The following HSD17B6 variants were observed in gnomAD, a reference collection of about 807,000 sequenced individuals.
HSD17B6 encodes 17-beta-hydroxysteroid dehydrogenase type 6.
Under a neutral mutation model 26.4 loss-of-function variants are expected in HSD17B6, and 16 were observed. The ratio of observed to expected loss-of-function variants is 0.61; its 90% CI spans 0.41 to 0.92. The LOEUF (loss-of-function observed/expected upper bound fraction) is 0.92. Ranked by LOEUF, HSD17B6 falls within the 40% of genes least tolerant of loss-of-function variation. The probability of loss-of-function intolerance (pLI) is 0.00; values close to 1 mark genes in which losing one functional copy is unlikely to be tolerated. For missense variants in HSD17B6, 357 were observed against 386.1 expected, an observed-to-expected ratio of 0.92 and a Z score of 0.63; for synonymous variants, 139 against 153.0, an observed-to-expected ratio of 0.91 and a Z score of 0.68.
In HSD17B6 at chr12:56,774,102, G is replaced by A. The variant is rs1592363394; in HGVS notation, c.250G>A (p.Val84Ile). ...CAGGCTGGAGACGGTGACCCTGGAT[G>A]TTACCAAGATGGAGAGCATCGCTGC... ...SDRLETVTLDVTKMESIAAAT... is the reference protein window; with the variant it reads ...SDRLETVTLDITKMESIAAAT... The change falls in exon 2 of 5, where the codon GTT (valine) becomes ATT (isoleucine). Residue 84 changes from valine (V) to isoleucine (I), a missense_variant. By Grantham distance (29) the Val-to-Ile change is conservative. Coordinates refer to ENST00000322165, the MANE Select transcript of HSD17B6 (RefSeq NM_003725.4). 1.9e-6 allele frequency: 3 copies of A among 1,610,944 alleles called. No individual in the cohort carries two copies. Among genetic ancestry groups the A allele is most frequent in the South Asian group, 2.2e-5 (2 of 90,632 alleles).
chr12:56,765,310 C>G (rs1954299136), intron 1 of HSD17B6, among the ~76,000 whole-genome samples: 1 of 151,886 alleles, frequency 6.6e-6, no homozygotes, highest in Non-Finnish European at 1.5e-5. Flanking sequence ...GTGTTGCATG[C>G]CTGTAGTCCC....
Position 56,784,980 on chromosome 12 carries a change from A to G in HSD17B6, c.700A>G (p.Ile234Val). 1 of 1,614,096 alleles carries G rather than the reference A, an allele frequency of 6.2e-7. No individual in the cohort carries two copies. Residue 234 changes from isoleucine (I) to valine (V), a missense_variant, in exon 4 of 5, where the codon ATT (isoleucine) becomes GTT (valine). Transcript: ENST00000322165. ...AAGTTGGAAAGAAGCCCCCAAGCAT[A>G]TTAAGGAGACCTATGGACAGCAGTA... Reference protein sequence around the residue: ...KQSWKEAPKHIKETYGQQYFD... With the variant: ...KQSWKEAPKHVKETYGQQYFD...
intron 2 of HSD17B6, among the ~76,000 whole-genome samples, chr12:56,774,584 T>C (rs936525313): frequency 2.0e-5 from 3 of 152,200 alleles, no homozygotes; most frequent in East Asian, 3.8e-4. Flanking sequence ...CATTGTAATA[T>C]ATAATGAAAT....
intron 2 of HSD17B6, among the ~76,000 whole-genome samples, chr12:56,778,645 A>T (rs1954642778): frequency 6.7e-6 from 1 of 149,820 alleles, no homozygotes; most frequent in Admixed American, 6.7e-5. Context: ...CCCTTCAGTT[A>T]CAAAGACTTT....
At chr12:56,776,847 G>A (rs192978139) in intron 2 of HSD17B6, among the ~76,000 whole-genome samples, 14 of 152,268 alleles carry the variant, frequency 9.2e-5, no homozygotes, top group Non-Finnish European at 1.3e-4. Flanking sequence ...TCGCTGCATA[G>A]TATTCCATTG....
In HSD17B6 at chr12:56,787,402, A is replaced by G. The variant is rs977416940; in HGVS notation, c.*60A>G. On this transcript the variant is annotated 3_prime_UTR_variant, in exon 5 of 5. Transcript: ENST00000322165. ...AAAAATCTGAAATTGTTAGTGTCTC[A>G]GTAATCCTGATTTAGAACCCAGGCT... The G allele has an allele frequency of 3.6e-6, 4 of 1,111,164 alleles. No individual in the cohort carries two copies. The African/African-American group carries it at 4.7e-5, about 13-fold the overall frequency. The allele number at this position is 1,111,164 out of a possible 1,614,324, so 68.8% of individuals were successfully genotyped here.
chr12:56,783,995 G>A (rs1954812002), intron 3 of HSD17B6, among the ~76,000 whole-genome samples: 1 of 151,770 alleles, frequency 6.6e-6, no homozygotes. Flanking sequence ...TCACCTCCCA[G>A]ACGGGGTCGC....
intron 2 of HSD17B6, among the ~76,000 whole-genome samples, chr12:56,775,043 C>T (rs541593345): frequency 4.1e-4 from 63 of 152,290 alleles, no homozygotes; most frequent in South Asian, 1.5e-3. Flanking sequence ...TTTCTATCCA[C>T]AATTGATTGA....
Position 56,787,177 on chromosome 12 carries a change from G to C in HSD17B6, c.789G>C (p.Leu263=), listed in dbSNP as rs1254819668. The part of the protein sequence containing the change: ...GLLNCSTNLN[L]VTDCMEHALT... ...TGAATTGTAGCACAAACCTGAACCTGGTCACTGACTGCATGGAACATGCTC... is the reference window on the plus strand; with the variant it reads ...TGAATTGTAGCACAAACCTGAACCTCGTCACTGACTGCATGGAACATGCTC... The change falls in exon 5 of 5, where the codon CTG becomes CTC. Residue 263 remains leucine (L), a synonymous_variant. Transcript: ENST00000322165. 4 of 1,614,148 alleles carry C rather than the reference G, an allele frequency of 2.5e-6. No individual in the cohort carries two copies. In the South Asian group the frequency reaches 3.3e-5, roughly 13 times the overall value.
At chr12:56,777,159 C>T (rs1224186886) in intron 2 of HSD17B6, among the ~76,000 whole-genome samples, 1 of 152,126 alleles carries the variant, frequency 6.6e-6, no homozygotes, top group African/African-American at 2.4e-5. Flanking sequence ...GAGGTGGGAA[C>T]ATTGCTTGAG....
Position 56,774,134 on chromosome 12 carries a change from T to C in HSD17B6, c.282T>C (p.Thr94=). ...VTKMESIAAA[T]QWVKEHVGDR... is the part of the protein sequence containing the mutation. Reference sequence around the variant, plus strand: ...AGATGGAGAGCATCGCTGCAGCTACTCAGTGGGTGAAGGAGCATGTGGGGG... The same window carrying C: ...AGATGGAGAGCATCGCTGCAGCTACCCAGTGGGTGAAGGAGCATGTGGGGG... The change falls in exon 2 of 5, where the codon ACT becomes ACC. Residue 94 remains threonine (T), a synonymous_variant. Coordinates refer to ENST00000322165, the MANE Select transcript of HSD17B6 (RefSeq NM_003725.4). The C allele has an allele frequency of 6.3e-7, 1 of 1,592,692 alleles. No individual in the cohort carries two copies. Among genetic ancestry groups the C allele is most frequent in the South Asian group, 1.1e-5 (1 of 87,990 alleles).
At chr12:56,767,250 C>T (rs763440049) in intron 1 of HSD17B6, among the ~76,000 whole-genome samples, 7 of 151,874 alleles carry the variant, frequency 4.6e-5, no homozygotes, top group Non-Finnish European at 8.8e-5. Context: ...CGGTGGCTCA[C>T]GCCTGTAATC....
At chr12:56,782,371 C>A (rs1954739865) in intron 3 of HSD17B6, 139 bp downstream of exon 3, 1 of 881,232 alleles carries the variant, frequency 1.1e-6, no homozygotes, top group Non-Finnish European at 1.7e-6. Context: ...TTTTATATAG[C>A]TAACAGGCTC....
chr12:56,786,457 C>T (rs1410314012), intron 4 of HSD17B6, among the ~76,000 whole-genome samples: 1 of 152,154 alleles, frequency 6.6e-6, no homozygotes, highest in African/African-American at 2.4e-5. Flanking sequence ...ACCATGTTGG[C>T]CATGCCGGTC....
At chr12:56,772,714 G>GA (rs63326760) in intron 1 of HSD17B6, among the ~76,000 whole-genome samples, 6 of 137,908 alleles carry the variant, frequency 4.4e-5, no homozygotes, top group South Asian at 2.3e-4. Flanking sequence ...AAAAAAAAAA[G>GA]AAAAAAAAAA....
chr12:56,768,420 T>G (rs1373413216), intron 1 of HSD17B6, among the ~76,000 whole-genome samples: 1 of 151,880 alleles, frequency 6.6e-6, no homozygotes, highest in Non-Finnish European at 1.5e-5. Flanking sequence ...AGGATGGTTA[T>G]TAAAGGGGTG....
chr12:56,782,075 A>T lies in HSD17B6; in HGVS notation c.415A>T (p.Ile139Phe), dbSNP rs371026321. The change falls in exon 3 of 5, where the codon ATT (isoleucine) becomes TTT (phenylalanine). Residue 139 changes from isoleucine (I) to phenylalanine (F), a missense_variant. Transcript: ENST00000322165. ...DSMNMLKVNLIGVIQVTLSML... is the reference protein window; with the variant it reads ...DSMNMLKVNLFGVIQVTLSML... ...TATGAATATGCTCAAAGTGAACCTCATTGGTGTGATCCAGGTGACCTTGAG... is the reference window on the plus strand; with the variant it reads ...TATGAATATGCTCAAAGTGAACCTCTTTGGTGTGATCCAGGTGACCTTGAG... 3.1e-6 allele frequency: 5 copies of T among 1,614,072 alleles called. No individual in the cohort carries two copies. In the African/African-American group the frequency reaches 5.3e-5, roughly 17 times the overall value.
rs890286252 is a variant in HSD17B6 at position 56,782,324 on chromosome 12, C to T, written c.572+92C>T. ...CTTTCGCCTATCTTATTTCATCACT[C>T]CTCAAATCTTGATACATAGATATTA... On this transcript the variant is annotated intron_variant, in intron 3 of 4. Transcript: ENST00000322165. The T allele has an allele frequency of 6.8e-6, 8 of 1,182,984 alleles. No homozygotes were observed. In the East Asian group the frequency reaches 9.8e-5, roughly 15 times the overall value. 73.3% of individuals were successfully genotyped at this position (1,182,984 alleles called of 1,614,324 possible).
At chr12:56,781,677 C>T (rs987670171) in intron 2 of HSD17B6, among the ~76,000 whole-genome samples, 9 of 152,254 alleles carry the variant, frequency 5.9e-5, no homozygotes, top group African/African-American at 1.9e-4. Context: ...TGGTGCGTGC[C>T]TGTAGTCCCA....
Sources: allele counts gnomAD v4.1 joint callset (sites outside exome capture counted in the v4.1 genomes callset), GRCh38; gene constraint gnomAD v4.1.1; transcripts MANE v1.5; gene names NCBI Gene and HGNC (gene_info 2026-07-23, HGNC 2026-07-21).